The following PTPRT variants were observed in gnomAD, a reference collection of about 807,000 sequenced individuals.
PTPRT encodes the protein protein tyrosine phosphatase receptor type T.
Under a neutral mutation model 176.8 loss-of-function variants are expected in PTPRT, and 56 were observed. The observed-to-expected ratio is 0.32, with a 90% CI of 0.26 to 0.40. The LOEUF is 0.40. Among genes scored for constraint, PTPRT ranks in the 10% least tolerant of loss-of-function variants. The pLI, the probability that PTPRT is intolerant of heterozygous loss-of-function variation, is 1.00. For synonymous variants in PTPRT, 783 were observed against 739.0 expected (o/e 1.06, Z -0.96); for missense variants, 1,540 against 1,908.2 (o/e 0.81, Z 3.60).
chr20:42,654,500 G>A (rs1480188032), intron 7 of PTPRT, among the ~76,000 whole-genome samples: 3 of 152,060 alleles, frequency 2.0e-5, no homozygotes, highest in Non-Finnish European at 1.5e-5. Flanking sequence ...ACTCATTGAG[G>A]GCACGAAACT....
chr20:42,885,404 C>A (rs1295808895), intron 2 of PTPRT, among the ~76,000 whole-genome samples: 1 of 149,026 alleles, frequency 6.7e-6, no homozygotes, highest in Non-Finnish European at 1.5e-5. Context: ...ATTAATATAA[C>A]CTTATAATAG....
At chr20:42,080,988 A>G (rs1983271380) in intron 30 of PTPRT, 56 bp from the exon 31 acceptor site, 8 of 1,426,454 alleles carry the variant, frequency 5.6e-6, no homozygotes, top group Non-Finnish European at 7.9e-6. Flanking sequence ...GAGAGAGATG[A>G]AAAAGGAAAG....
At position 42,965,732 on chromosome 20, in the gene PTPRT, C is replaced by T. The variant is rs374424224; in HGVS notation, c.89-79800G>A. The stretch of plus-strand genomic sequence containing the variant: ...CACACAAAGCTCACAGATGGAAAAA[C>T]TTAACATGGCACTGATGTTGATTTT... On this transcript the variant is annotated intron_variant, in intron 1 of 30. Coordinates refer to ENST00000373187, the MANE Select transcript of PTPRT (RefSeq NM_007050.6). 1.6e-4 allele frequency among the ~76,000 whole-genome samples: 25 copies of T among 152,268 alleles called. No individual in the cohort carries two copies. The South Asian group carries it at 4.4e-3, about 27-fold the overall frequency.
At chr20:42,730,451 TGGACTCGA>T (rs2076443520) in intron 6 of PTPRT, among the ~76,000 whole-genome samples, 1 of 152,114 alleles carries the variant, frequency 6.6e-6, no homozygotes, top group Admixed American at 6.6e-5. Context: ...GAGGGAAAAT[TGGACTCGA>T]GGTAGCCAAG....
intron 7 of PTPRT, among the ~76,000 whole-genome samples, chr20:42,556,640 G>A (rs2072866157): frequency 6.6e-6 from 1 of 152,088 alleles, no homozygotes; most frequent in African/African-American, 2.4e-5. Flanking sequence ...TCACAACTTA[G>A]AAGAGCAGAT....
chr20:42,204,920 A>G (rs2055415227), intron 15 of PTPRT, among the ~76,000 whole-genome samples: 1 of 151,568 alleles, frequency 6.6e-6, no homozygotes, highest in African/African-American at 2.4e-5. Context: ...TTGGGTCTCT[A>G]TGGTCCCAGG....
intron 14 of PTPRT, among the ~76,000 whole-genome samples, chr20:42,243,081 G>A (rs759663911): frequency 6.6e-6 from 1 of 151,860 alleles, no homozygotes; most frequent in Non-Finnish European, 1.5e-5. Context: ...GGGAGAAAGA[G>A]AGAGAGACAG....
intron 9 of PTPRT, among the ~76,000 whole-genome samples, chr20:42,437,345 G>A (rs1022361612): frequency 1.3e-5 from 2 of 152,166 alleles, no homozygotes; most frequent in Non-Finnish European, 2.9e-5. Flanking sequence ...CCACAAATGT[G>A]GAAACTGAGG....
At chr20:42,290,979 C>T (rs778112559) in intron 12 of PTPRT, among the ~76,000 whole-genome samples, 2 of 152,126 alleles carry the variant, frequency 1.3e-5, no homozygotes, top group Admixed American at 6.6e-5. Flanking sequence ...TTAGACTCCT[C>T]ATTTAATAGG....
At chr20:42,105,968 G>GGGATA (rs1206728594) in intron 24 of PTPRT, among the ~76,000 whole-genome samples, 3 of 152,206 alleles carry the variant, frequency 2.0e-5, no homozygotes, top group Admixed American at 6.5e-5. Flanking sequence ...GGTACAGAGT[G>GGGATA]GGATAGGCAG....
At chr20:42,818,188 C>T (rs1346267170) in intron 2 of PTPRT, among the ~76,000 whole-genome samples, 1 of 152,086 alleles carries the variant, frequency 6.6e-6, no homozygotes, top group African/African-American at 2.4e-5. Context: ...TTGCTGCTCC[C>T]CAGCCTCCTT....
At chr20:42,094,242 T>G (rs1293927542) in intron 27 of PTPRT, among the ~76,000 whole-genome samples, 1 of 152,228 alleles carries the variant, frequency 6.6e-6, no homozygotes, top group Non-Finnish European at 1.5e-5. Flanking sequence ...CCCAGGCTCA[T>G]GAGCTGAGTT....
chr20:42,521,763 A>AT lies in PTPRT; in HGVS notation c.1154-49202dup, dbSNP rs536824195. On this transcript the variant is annotated intron_variant, in intron 7 of 30. Coordinates refer to ENST00000373187, the MANE Select transcript of PTPRT (RefSeq NM_007050.6). ...GCTGTATATAAAGTGCTTGGTTTAC[A>AT]TTTTTTTACTTGAGTATAATAAATA... is the stretch of plus-strand genomic sequence containing the variant. Among the ~76,000 whole-genome samples the AT allele has an allele frequency of 2.8e-3, 432 of 152,236 alleles. 1 individual carries two copies. Among genetic ancestry groups the AT allele is most frequent in the African/African-American group, 0.01 (419 of 41,538 alleles).
intron 2 of PTPRT, among the ~76,000 whole-genome samples, chr20:42,841,742 T>C (rs1343977734): frequency 6.6e-6 from 1 of 152,186 alleles, no homozygotes; most frequent in Non-Finnish European, 1.5e-5. Flanking sequence ...GTTCACAAGT[T>C]TGTGGTAACT....
At chr20:42,976,390 G>A (rs952298831) in intron 1 of PTPRT, among the ~76,000 whole-genome samples, 2 of 151,722 alleles carry the variant, frequency 1.3e-5, no homozygotes, top group Non-Finnish European at 2.9e-5. Context: ...TTAAAGTATA[G>A]TATGCATTTT....
At chr20:42,499,741 T>C (rs1052332165) in intron 7 of PTPRT, among the ~76,000 whole-genome samples, 4 of 152,204 alleles carry the variant, frequency 2.6e-5, no homozygotes, top group Admixed American at 6.5e-5. Context: ...TTTCAAATCA[T>C]TGCACACCTC....
chr20:42,620,405 C>T (rs1228826437), intron 7 of PTPRT, among the ~76,000 whole-genome samples: 1 of 149,818 alleles, frequency 6.7e-6, no homozygotes, highest in Non-Finnish European at 1.5e-5. Flanking sequence ...TTTGTCTGTG[C>T]CCTGCCCCCA....
chr20:42,904,510 C>T (rs1451770250), intron 1 of PTPRT, among the ~76,000 whole-genome samples: 1 of 152,146 alleles, frequency 6.6e-6, no homozygotes, highest in Non-Finnish European at 1.5e-5. Context: ...AGTACCAAGG[C>T]AATGCCCATA....
intron 2 of PTPRT, among the ~76,000 whole-genome samples, chr20:42,858,642 T>C (rs1345033370): frequency 1.3e-5 from 2 of 152,172 alleles, no homozygotes; most frequent in South Asian, 2.1e-4. Flanking sequence ...TCACGAGATA[T>C]GGAATCTTCT....
Sources: gnomAD v4.1 joint callset for allele counts (sites outside exome capture counted in the v4.1 genomes callset) on GRCh38, gnomAD v4.1.1 for gene constraint, MANE v1.5 for transcripts, NCBI Gene and HGNC (gene_info 2026-07-23, HGNC 2026-07-21) for gene names.